The following DAPP1 variants were observed in gnomAD, a reference collection of about 807,000 sequenced individuals.
DAPP1 encodes dual adaptor of phosphotyrosine and 3-phosphoinositides 1.
A neutral mutation model predicts 41.5 loss-of-function variants in DAPP1; 20 were observed. The ratio of observed to expected loss-of-function variants is 0.48; its 90% CI spans 0.34 to 0.70. The LOEUF is 0.70. Among genes scored for constraint, DAPP1 ranks in the 30% least tolerant of loss-of-function variants. DAPP1 has a pLI of 0.01. For synonymous variants in DAPP1, 113 were observed against 116.2 expected (o/e 0.97, Z 0.18); for missense variants, 233 against 333.4 (o/e 0.70, Z 2.35).
chr4:99,849,385 T>C (rs1377568161), intron 3 of DAPP1, among the ~76,000 whole-genome samples: 3 of 152,216 alleles, frequency 2.0e-5, no homozygotes, highest in African/African-American at 7.2e-5. Context: ...CATTCATTCA[T>C]TAATTCATTC....
At chr4:99,819,998 G>C (rs1301256171) in intron 1 of DAPP1, among the ~76,000 whole-genome samples, 4 of 152,154 alleles carry the variant, frequency 2.6e-5, no homozygotes, top group Non-Finnish European at 2.9e-5. Context: ...CATTTATAGA[G>C]TGTCAGCCTA....
chr4:99,842,962 A>G (rs1036233461), intron 3 of DAPP1, among the ~76,000 whole-genome samples: 3 of 151,660 alleles, frequency 2.0e-5, no homozygotes, highest in Non-Finnish European at 4.4e-5. Context: ...CGCCAGAAGT[A>G]CAGATATTTC....
At position 99,870,166 on chromosome 4, in the gene DAPP1, T is replaced by C. The variant is rs1019530519; in HGVS notation, c.*1981T>C. 6.6e-6 allele frequency: 1 copy of C among 152,140 alleles called. No individual in the cohort carries two copies. Among genetic ancestry groups the C allele is most frequent in the Admixed American group, 6.5e-5 (1 of 15,274 alleles). The allele number at this position is 152,140 out of a possible 1,614,324, so 9.4% of individuals were successfully genotyped here. ...CATGTACCATTTTGCTATTAAAATTTATTTTTAATATTTGTAACTTGAAAG... is the reference window on the plus strand; with the variant it reads ...CATGTACCATTTTGCTATTAAAATTCATTTTTAATATTTGTAACTTGAAAG... On this transcript the variant is annotated 3_prime_UTR_variant, in exon 9 of 9. Transcript: ENST00000512369.
At position 99,842,952 on chromosome 4, in the gene DAPP1, C is replaced by T. The variant is rs549754332; in HGVS notation, c.358+2530C>T. On this transcript the variant is annotated intron_variant, in intron 3 of 8. Transcript: ENST00000512369. ...CTGCAAGCTCCGCCTCCCGGGTTCA[C>T]GCCAGAAGTACAGATATTTCTTATA... Among the ~76,000 whole-genome samples the T allele has an allele frequency of 1.7e-4, 26 of 149,498 alleles. 1 individual carries two copies. In the South Asian group the frequency reaches 4.6e-3, roughly 26 times the overall value.
intron 1 of DAPP1, among the ~76,000 whole-genome samples, chr4:99,833,924 G>A (rs72911173): frequency 0.024 from 3,635 of 152,202 alleles, 148 homozygotes; most frequent in African/African-American, 0.082. Flanking sequence ...ATGTTAATGT[G>A]TGCAGGACTC....
intron 3 of DAPP1, among the ~76,000 whole-genome samples, chr4:99,840,945 G>C (rs1360200748): frequency 6.6e-6 from 1 of 151,844 alleles, no homozygotes; most frequent in Admixed American, 6.6e-5. Context: ...TGAATGGTTA[G>C]AGAATTAAAC....
intron 3 of DAPP1, among the ~76,000 whole-genome samples, chr4:99,846,924 C>T (rs1723683321): frequency 6.6e-6 from 1 of 152,192 alleles, no homozygotes; most frequent in Admixed American, 6.5e-5. Context: ...GGAAAAAGAT[C>T]TTGAATAACC....
At chr4:99,832,810 A>T (rs899384960) in intron 1 of DAPP1, among the ~76,000 whole-genome samples, 3 of 152,272 alleles carry the variant, frequency 2.0e-5, no homozygotes, top group African/African-American at 7.2e-5. Flanking sequence ...TATTGAAAAG[A>T]ATCCAAAGGA....
At chr4:99,850,351 A>G (rs1349780794) in intron 3 of DAPP1, among the ~76,000 whole-genome samples, 1 of 152,082 alleles carries the variant, frequency 6.6e-6, no homozygotes, top group Non-Finnish European at 1.5e-5. Context: ...CAGACGTTGC[A>G]GTGAGCTGAG....
chr4:99,866,228 A>T, intron 8 of DAPP1, 107 bp downstream of exon 8: 1 of 664,460 alleles, frequency 1.5e-6, no homozygotes, highest in Non-Finnish European at 2.7e-6. Flanking sequence ...AATCAAAGAG[A>T]TGTCTGGGTG....
At chr4:99,850,759 T>G (rs1188621081) in intron 3 of DAPP1, among the ~76,000 whole-genome samples, 1 of 152,208 alleles carries the variant, frequency 6.6e-6, no homozygotes, top group Non-Finnish European at 1.5e-5. Flanking sequence ...TTTTTAAGAT[T>G]TCAAAATCCA....
chr4:99,817,793 C>A (rs1213981278), intron 1 of DAPP1, among the ~76,000 whole-genome samples: 1 of 152,232 alleles, frequency 6.6e-6, no homozygotes, highest in Non-Finnish European at 1.5e-5. Context: ...ATGAAGGTGG[C>A]TTTGACACCT....
At chr4:99,840,263 A>G (rs766591104) in intron 2 of DAPP1, 26 bp from the exon 3 acceptor site, 3 of 1,417,562 alleles carry the variant, frequency 2.1e-6, no homozygotes, top group Non-Finnish European at 2.9e-6. Context: ...GTTAAATAAT[A>G]TTAAATACTT....
intron 4 of DAPP1, among the ~76,000 whole-genome samples, chr4:99,855,436 C>A (rs904688429): frequency 1.3e-5 from 2 of 152,154 alleles, no homozygotes; most frequent in Non-Finnish European, 1.5e-5. Context: ...CAGAAATAAA[C>A]CTCTTTAAAG....
Position 99,840,334 on chromosome 4 carries a change from T to C in DAPP1, c.270T>C (p.Tyr90=), listed in dbSNP as rs1723453392. Residue 90 remains tyrosine (Y), a synonymous_variant, in exon 3 of 9, where the codon TAT becomes TAC. Transcript: ENST00000512369. The part of the protein sequence containing the change: ...VKHFHVEYTG[Y]SFKFGFNEFS... The stretch of plus-strand genomic sequence containing the variant: ...ACTTTCATGTTGAATATACTGGATA[T>C]TCATTTAAATTTGGCTTTAATGAAT... 6.2e-7 allele frequency: 1 copy of C among 1,606,922 alleles called. No homozygotes were observed. Among genetic ancestry groups the C allele is most frequent in the Non-Finnish European group, 8.5e-7 (1 of 1,176,120 alleles).
intron 7 of DAPP1, chr4:99,865,384 G>T (rs950579426): frequency 6.6e-6 from 1 of 152,144 alleles, no homozygotes; most frequent in African/African-American, 2.4e-5. Flanking sequence ...TATACATTTA[G>T]GAAAAGTATT....
intron 1 of DAPP1, among the ~76,000 whole-genome samples, chr4:99,824,622 T>C (rs1722879147): frequency 6.6e-6 from 1 of 152,160 alleles, no homozygotes; most frequent in South Asian, 2.1e-4. Flanking sequence ...TAGCCCACAA[T>C]GGTAGGTTGT....
chr4:99,845,458 G>A (rs114200274), intron 3 of DAPP1, among the ~76,000 whole-genome samples: 1 of 152,214 alleles, frequency 6.6e-6, no homozygotes, highest in Admixed American at 6.5e-5. Flanking sequence ...CAGCGACACT[G>A]CAATACATTG....
rs149648414 is a variant in DAPP1 at position 99,839,900 on chromosome 4, A to G, written c.225-389A>G. Reference sequence around the variant, plus strand: ...AACATGGCAAAACCCAGTCTTTACTAAATATACAAAAATTAGCCAGGCATC... The same window carrying G: ...AACATGGCAAAACCCAGTCTTTACTGAATATACAAAAATTAGCCAGGCATC... On this transcript the variant is annotated intron_variant, in intron 2 of 8. Coordinates refer to ENST00000512369, the MANE Select transcript of DAPP1 (RefSeq NM_014395.3). Among the ~76,000 whole-genome samples the G allele has an allele frequency of 1.4e-4, 22 of 152,328 alleles. No individual in the cohort carries two copies. In the East Asian group the frequency reaches 3.1e-3, roughly 21 times the overall value.
Sources: gnomAD v4.1 joint callset for allele counts (sites outside exome capture counted in the v4.1 genomes callset) on GRCh38, gnomAD v4.1.1 for gene constraint, MANE v1.5 for transcripts, NCBI Gene and HGNC (gene_info 2026-07-23, HGNC 2026-07-21) for gene names.